OSBPL6: variants seen among roughly 807,000 people sequenced by gnomAD.
OSBPL6 encodes oxysterol-binding protein-related protein 6.
A neutral mutation model predicts 125.8 loss-of-function variants in OSBPL6; 49 were observed. The observed-to-expected ratio is 0.39, with a 90% CI of 0.31 to 0.49. The LOEUF (loss-of-function observed/expected upper bound fraction) is 0.49, where lower values mean the gene tolerates loss of function less well. Among genes scored for constraint, OSBPL6 ranks in the 20% least tolerant of loss-of-function variants. OSBPL6 has a pLI of 0.88. For synonymous variants in OSBPL6, 394 were observed against 391.8 expected (o/e 1.01, Z -0.07); for missense variants, 986 against 1,135.4 (o/e 0.87, Z 1.89).
intron 1 of OSBPL6, among the ~76,000 whole-genome samples, chr2:178,221,831 G>A (rs1358933709): frequency 1.3e-5 from 2 of 152,226 alleles, no homozygotes; most frequent in African/African-American, 4.8e-5. Context: ...TGGCAGGCAG[G>A]TATAAATCAA....
At chr2:178,299,510 T>TTTTC (rs1278437492) in intron 2 of OSBPL6, among the ~76,000 whole-genome samples, 1 of 145,892 alleles carries the variant, frequency 6.9e-6, no homozygotes, top group Non-Finnish European at 1.5e-5. Flanking sequence ...AACTTACTTT[T>TTTTC]TTTCTTTCTT....
chr2:178,381,653 G>T (rs1225308632), intron 15 of OSBPL6, among the ~76,000 whole-genome samples: 1 of 96,990 alleles, frequency 1.0e-5, no homozygotes, highest in Non-Finnish European at 2.3e-5. Context: ...ACACCCAGCT[G>T]ACTGAGCTGT....
Position 178,382,408 on chromosome 2 carries a change from T to C in OSBPL6, c.1534-12T>C. On this transcript the variant is annotated splice_polypyrimidine_tract_variant and intron_variant, in intron 15 of 24. Transcript: ENST00000190611. ...AAGAATTCTGATCCTTGTATGTTCT[T>C]CCCTTCCTTAGGCTTCAGATGATGA... 6.3e-7 allele frequency: 1 copy of C among 1,587,134 alleles called. No individual in the cohort carries two copies. Among genetic ancestry groups the C allele is most frequent in the Non-Finnish European group, 8.6e-7 (1 of 1,165,382 alleles).
At chr2:178,348,501 A>G (rs1470362236) in intron 11 of OSBPL6, among the ~76,000 whole-genome samples, 1 of 152,198 alleles carries the variant, frequency 6.6e-6, no homozygotes, top group East Asian at 1.9e-4. Context: ...CAGCCTGGGC[A>G]AGGAAGTACC....
At chr2:178,261,875 A>G (rs334006) in intron 1 of OSBPL6, among the ~76,000 whole-genome samples, 58,260 of 152,128 alleles carry the variant, frequency 0.38, 11,538 homozygotes, top group African/African-American at 0.45. Flanking sequence ...TATTCAGTGT[A>G]TGAATATAAG....
chr2:178,282,501 G>A (rs947454025), intron 1 of OSBPL6, among the ~76,000 whole-genome samples: 1 of 152,180 alleles, frequency 6.6e-6, no homozygotes, highest in African/African-American at 2.4e-5. Context: ...AGGAACGGGG[G>A]TGAATGAGCA....
intron 21 of OSBPL6, among the ~76,000 whole-genome samples, chr2:178,390,759 G>A (rs113503734): frequency 6.6e-6 from 1 of 152,116 alleles, no homozygotes; most frequent in Non-Finnish European, 1.5e-5. Flanking sequence ...AAATCCATGA[G>A]CAAGAGGAAA....
rs772943081 is a variant in OSBPL6, at chr2:178,384,186, A to G, written c.2013+10A>G. 1 of 1,611,242 alleles carries G rather than the reference A, an allele frequency of 6.2e-7. No individual in the cohort carries two copies. Among genetic ancestry groups the G allele is most frequent in the Non-Finnish European group, 8.5e-7 (1 of 1,177,740 alleles). On this transcript the variant is annotated intron_variant, in intron 18 of 24. Coordinates refer to ENST00000190611, the MANE Select transcript of OSBPL6 (RefSeq NM_032523.4). ...CTTTTTCTCAGAACAGGTAAGCGCC[A>G]CTGGACTCAGTGAGGTTTCTATATA...
intron 9 of OSBPL6, among the ~76,000 whole-genome samples, chr2:178,337,289 T>C (rs1689774278): frequency 6.6e-6 from 1 of 152,244 alleles, no homozygotes; most frequent in South Asian, 2.1e-4. Flanking sequence ...AAGTAGATAT[T>C]AGATCACTTT....
intron 1 of OSBPL6, among the ~76,000 whole-genome samples, chr2:178,238,462 A>G (rs1462064781): frequency 6.6e-6 from 1 of 152,216 alleles, no homozygotes; most frequent in Non-Finnish European, 1.5e-5. Flanking sequence ...CAGTTCAGAT[A>G]TGCCAAAGAG....
chr2:178,231,211 G>C (rs1279653471), intron 1 of OSBPL6, among the ~76,000 whole-genome samples: 1 of 152,122 alleles, frequency 6.6e-6, no homozygotes, highest in Non-Finnish European at 1.5e-5. Context: ...AGGGCCCTCC[G>C]GTTAGATTGA....
chr2:178,358,050 C>T (rs948046127), intron 12 of OSBPL6, among the ~76,000 whole-genome samples: 15 of 152,000 alleles, frequency 9.9e-5, no homozygotes, highest in South Asian at 6.2e-4. Context: ...CACTTGGACA[C>T]GGCAGGGAAC....
At position 178,400,096 on chromosome 2, in the gene OSBPL6, C is replaced by A. The variant is rs1255002299; in HGVS notation, c.*4537C>A. ...TGTGTTCCACCTGTTTCTTCTAACA[C>A]TTAATTCATAAAGTGAGCAATTGAA... On this transcript the variant is annotated 3_prime_UTR_variant, in exon 25 of 25. Coordinates refer to ENST00000190611, the MANE Select transcript of OSBPL6 (RefSeq NM_032523.4). 1 of 149,612 alleles carries A rather than the reference C, an allele frequency of 6.7e-6. No homozygotes were observed. The highest frequency in any genetic ancestry group is 1.5e-5 in the Non-Finnish European group (1 of 68,006). The allele number at this position is 149,612 out of a possible 1,614,324, so 9.3% of individuals were successfully genotyped here. A position where few individuals can be genotyped will look rare whatever the true frequency, so the allele number is the denominator to read the frequency against.
rs796140256 is a variant in OSBPL6 at position 178,199,584 on chromosome 2, GTT to G, written c.-351+4925_-351+4926del. Among the ~76,000 whole-genome samples, 821 of 130,534 alleles carry G rather than the reference GTT, an allele frequency of 6.3e-3. 13 individuals carry two copies. The highest frequency in any genetic ancestry group is 0.021 in the African/African-American group (754 of 35,992). 85.6% of individuals were successfully genotyped at this position (130,534 alleles called of 152,430 possible). ...AGCCTCTGCAAGATAACCATTAAGG[GTT>G]TTTTTTTTTTTTTTCATTTGTTAAA... On this transcript the variant is annotated intron_variant, in intron 1 of 24. Coordinates refer to ENST00000190611, the MANE Select transcript of OSBPL6 (RefSeq NM_032523.4).
chr2:178,300,547 A>G (rs1357420848), intron 2 of OSBPL6, among the ~76,000 whole-genome samples: 2 of 152,166 alleles, frequency 1.3e-5, no homozygotes, highest in East Asian at 3.9e-4. Flanking sequence ...TGCAACCTCT[A>G]CCTCCTGGGT....
intron 1 of OSBPL6, among the ~76,000 whole-genome samples, chr2:178,226,957 AT>A (rs2153975702): frequency 6.6e-6 from 1 of 152,320 alleles, no homozygotes; most frequent in East Asian, 1.9e-4. Context: ...ATTTGCTTCA[AT>A]ACAATTTCTG....
intron 13 of OSBPL6, among the ~76,000 whole-genome samples, chr2:178,370,952 A>G (rs1693326575): frequency 6.6e-6 from 1 of 152,214 alleles, no homozygotes; most frequent in South Asian, 2.1e-4. Context: ...GGAGTAAGCA[A>G]TGAAGAGTTT....
intron 21 of OSBPL6, among the ~76,000 whole-genome samples, chr2:178,389,760 T>A (rs1330638325): frequency 6.6e-6 from 1 of 152,086 alleles, no homozygotes; most frequent in East Asian, 1.9e-4. Context: ...CACTGCCGTG[T>A]TTGTTTGGAT....
intron 5 of OSBPL6, among the ~76,000 whole-genome samples, chr2:178,329,576 G>A (rs997463547): frequency 4.0e-5 from 6 of 151,848 alleles, no homozygotes; most frequent in South Asian, 2.1e-4. Flanking sequence ...ACGCCACCAC[G>A]CTTGGCTAAT....
Sources: gnomAD v4.1 joint callset for allele counts (sites outside exome capture counted in the v4.1 genomes callset) on GRCh38, gnomAD v4.1.1 for gene constraint, MANE v1.5 for transcripts, NCBI Gene and HGNC (gene_info 2026-07-23, HGNC 2026-07-21) for gene names.